Variants in PPP1R8 observed in about 807,000 individuals in gnomAD.
The protein encoded by PPP1R8 is nuclear inhibitor of protein phosphatase 1.
Under a neutral mutation model 31.3 loss-of-function variants are expected in PPP1R8, and 4 were observed. The observed-to-expected ratio is 0.13, with a 90% CI of 0.06 to 0.29. PPP1R8 has a LOEUF of 0.29. PPP1R8 is among the 10% of genes least tolerant of loss of function. PPP1R8 has a pLI of 1.00. For missense variants in PPP1R8, 254 were observed against 440.1 expected, an observed-to-expected ratio of 0.58 and a Z score of 3.78; for synonymous variants, 170 against 169.7, an observed-to-expected ratio of 1.00 and a Z score of -0.01.
At chr1:27,847,124 T>C (rs778772945) in intron 6 of PPP1R8, 32 bp downstream of exon 6, 2 of 1,604,666 alleles carry the variant, frequency 1.2e-6, no homozygotes, top group Non-Finnish European at 1.7e-6. Context: ...ATACAGTCTG[T>C]GTTTTAAAAC....
At chr1:27,849,143 G>A (rs1410036032) in intron 6 of PPP1R8, among the ~76,000 whole-genome samples, 5 of 152,066 alleles carry the variant, frequency 3.3e-5, no homozygotes, top group East Asian at 1.9e-4. Context: ...AGGCCGAGGC[G>A]GGCTGATCAC....
At chr1:27,839,391 G>T (rs1280271202) in intron 3 of PPP1R8, among the ~76,000 whole-genome samples, 4 of 152,268 alleles carry the variant, frequency 2.6e-5, no homozygotes, top group Non-Finnish European at 5.9e-5. Context: ...AGCTGGGTGT[G>T]GCGGCGGGTG....
intron 3 of PPP1R8, among the ~76,000 whole-genome samples, chr1:27,839,442 C>T (rs1005370154): frequency 1.3e-5 from 2 of 152,048 alleles, no homozygotes; most frequent in African/African-American, 4.8e-5. Context: ...GCAGGAGAAC[C>T]GCTTGAACCC....
chr1:27,842,010 A>AACTGCCTTG (rs2089226595), intron 4 of PPP1R8, among the ~76,000 whole-genome samples: 1 of 152,218 alleles, frequency 6.6e-6, no homozygotes, highest in Non-Finnish European at 1.5e-5. Flanking sequence ...ACACCAAGGC[A>AACTGCCTTG]GTTTCCTGGC....
intron 2 of PPP1R8, among the ~76,000 whole-genome samples, chr1:27,837,459 C>G (rs544184910): frequency 2.5e-4 from 37 of 150,398 alleles, no homozygotes; most frequent in African/African-American, 9.0e-4. Flanking sequence ...GTCTTGAGGG[C>G]AGGCCACTTA....
At chr1:27,833,376 T>G (rs1244322639) in intron 2 of PPP1R8, among the ~76,000 whole-genome samples, 1 of 152,180 alleles carries the variant, frequency 6.6e-6, no homozygotes, top group Non-Finnish European at 1.5e-5. Flanking sequence ...AAAACCAACA[T>G]AATTTCTGTC....
chr1:27,841,178 G>C lies in PPP1R8; in HGVS notation c.436G>C (p.Glu146Gln). ...AVKGDEKMGGEDDELKGLLGL... is the reference protein window; with the variant it reads ...AVKGDEKMGGQDDELKGLLGL... ...GAAAGGAGATGAGAAGATGGGTGGA[G>C]AGGATGATGAACTCAAGGGCTTACT... Residue 146 changes from glutamate to glutamine, a missense_variant, in exon 4 of 7, where the codon GAG (glutamate) becomes CAG (glutamine). Physicochemically the swap from Glu to Gln is conservative, Grantham distance 29. Transcript: ENST00000311772. 6.2e-7 allele frequency: 1 copy of C among 1,614,236 alleles called. No homozygotes were observed. The highest frequency in any genetic ancestry group is 8.5e-7 in the Non-Finnish European group (1 of 1,180,048).
intron 6 of PPP1R8, among the ~76,000 whole-genome samples, chr1:27,847,850 G>A (rs1320208558): frequency 6.6e-6 from 1 of 152,188 alleles, no homozygotes; most frequent in Non-Finnish European, 1.5e-5. Context: ...GGGAATCCTG[G>A]AGTACCACAG....
chr1:27,841,285 G>A, intron 4 of PPP1R8, 51 bp downstream of exon 4: 1 of 1,590,220 alleles, frequency 6.3e-7, no homozygotes, highest in Non-Finnish European at 8.6e-7. Flanking sequence ...CTGGTTTTTG[G>A]AGTATACAGC....
At chr1:27,832,047 A>C (rs1374106687) in intron 1 of PPP1R8, among the ~76,000 whole-genome samples, 1 of 152,188 alleles carries the variant, frequency 6.6e-6, no homozygotes, top group East Asian at 1.9e-4. Context: ...CGAGATAGCA[A>C]ACATAGTTAG....
At chr1:27,838,130 G>T (rs554664300) in intron 2 of PPP1R8, among the ~76,000 whole-genome samples, 53 of 151,262 alleles carry the variant, frequency 3.5e-4, no homozygotes, top group African/African-American at 1.3e-3. Context: ...AGAATTGCTT[G>T]AACGCAGGAG....
chr1:27,844,409 C>A (rs1363230114), intron 5 of PPP1R8, among the ~76,000 whole-genome samples: 2 of 151,326 alleles, frequency 1.3e-5, no homozygotes, highest in African/African-American at 4.9e-5. Context: ...GCTCATGCAA[C>A]CTCTGCCTCC....
chr1:27,841,315 T>C, intron 4 of PPP1R8, 81 bp downstream of exon 4: 2 of 1,444,222 alleles, frequency 1.4e-6, no homozygotes, highest in South Asian at 1.3e-5. Context: ...TAGCTGGAAA[T>C]GCCAGTGACT....
At chr1:27,838,133 C>T (rs189671542) in intron 2 of PPP1R8, among the ~76,000 whole-genome samples, 9 of 151,210 alleles carry the variant, frequency 6.0e-5, no homozygotes, top group African/African-American at 1.9e-4. Context: ...ATTGCTTGAA[C>T]GCAGGAGTTG....
Position 27,830,864 on chromosome 1 carries a change from G to A in PPP1R8, c.29G>A (p.Ser10Asn), listed in dbSNP as rs376720713. MAAAANSGS[S>N]LPLFDCPTWA... is the part of the protein sequence containing the mutation. Reference sequence around the variant, plus strand: ...GCGGCAGCCGCGAACTCCGGCTCTAGCCTCCCGCTGTTCGACTGCCCAACC... The same window carrying A: ...GCGGCAGCCGCGAACTCCGGCTCTAACCTCCCGCTGTTCGACTGCCCAACC... The change falls in exon 1 of 7, where the codon AGC becomes AAC. Residue 10 changes from serine to asparagine, a missense_variant. By Grantham distance (46) the Ser-to-Asn change is conservative. Around this residue, in one of 6 missense-constraint regions of PPP1R8, gnomAD observed 38 missense variants for 18.6 expected, o/e 2.04. Coordinates refer to ENST00000311772, the MANE Select transcript of PPP1R8 (RefSeq NM_014110.5). 26 of 1,574,316 alleles carry A rather than the reference G, an allele frequency of 1.7e-5. No homozygotes were observed. The highest frequency in any genetic ancestry group is 5.4e-5 in the African/African-American group (4 of 74,000).
In PPP1R8 at chr1:27,850,173, A is replaced by C. The variant is rs774746032; in HGVS notation, c.783A>C (p.Gly261=). The change falls in exon 7 of 7, where the codon GGA becomes GGC. Residue 261 remains glycine, a synonymous_variant. Transcript: ENST00000311772. ...SRRMQNFAFS[G]GLYGGLPPTH... ...GCATGCAGAACTTTGCCTTCAGCGG[A>C]GGACTCTACGGGGGCCTGCCCCCCA... The C allele has an allele frequency of 2.5e-6, 4 of 1,613,878 alleles. No homozygotes were observed. The highest frequency in any genetic ancestry group is 3.4e-6 in the Non-Finnish European group (4 of 1,179,938).
chr1:27,838,706 T>C lies in PPP1R8; in HGVS notation c.125T>C (p.Ile42Thr). 6.5e-7 allele frequency: 1 copy of C among 1,542,130 alleles called. No individual in the cohort carries two copies. Among genetic ancestry groups the C allele is most frequent in the Non-Finnish European group, 8.8e-7 (1 of 1,139,204 alleles). ...AATTTAATATTTATTTAGAAACTGA[T>C]TATTGATGAGAAGAAGTATTACTTA... Reference protein sequence around the residue: ...VKGDKLIEKLIIDEKKYYLFG... With the variant: ...VKGDKLIEKLTIDEKKYYLFG... The change falls in exon 3 of 7, where the codon ATT (isoleucine) becomes ACT (threonine). Residue 42 changes from isoleucine (I) to threonine (T), a missense_variant. Around this residue, in one of 6 missense-constraint regions of PPP1R8, gnomAD observed 52 missense variants for 145.3 expected, o/e 0.36. Transcript: ENST00000311772.
At position 27,850,380 on chromosome 1, in the gene PPP1R8, C is replaced by T. The variant is rs748991737; in HGVS notation, c.990C>T (p.Pro330=). ...ATAACCCTGAAGCTGTAAATGAACC[C>T]AAGAAGAAGAAATATGCAAAAGAGG... ...AVYNPEAVNE[P]KKKKYAKEAW... Residue 330 remains proline (P), a synonymous_variant, in exon 7 of 7, where the codon CCC becomes CCT. Transcript: ENST00000311772. 1.5e-5 allele frequency: 24 copies of T among 1,589,144 alleles called. No individual in the cohort carries two copies. The highest frequency in any genetic ancestry group is 4.1e-5 in the African/African-American group (3 of 73,878).
At chr1:27,845,783 C>CTTTTTTTTTTTTTTTTTTTTTT (rs773994854) in intron 5 of PPP1R8, among the ~76,000 whole-genome samples, 8 of 91,834 alleles carry the variant, frequency 8.7e-5, no homozygotes, top group African/African-American at 3.5e-4. Flanking sequence ...TTCTTTCTTT[C>CTTTTTTTTTTTTTTTTTTTTTT]TTTTTTTTTT....
Sources: gnomAD v4.1 joint callset for allele counts (sites outside exome capture counted in the v4.1 genomes callset) on GRCh38, gnomAD v4.1.1 for gene constraint, gnomAD v4.1.1 regional missense constraint, MANE v1.5 for transcripts, NCBI Gene and HGNC (gene_info 2026-07-23, HGNC 2026-07-21) for gene names.